Variants in OSCP1 observed in about 807,000 individuals in gnomAD.
OSCP1 encodes protein OSCP1.
A neutral mutation model predicts 45.1 loss-of-function variants in OSCP1; 35 were observed. That is an observed-to-expected ratio of 0.78 (90% CI 0.59 to 1.03). The LOEUF is 1.03. OSCP1 is among the 50% of genes least tolerant of loss of function. The probability of loss-of-function intolerance (pLI) is 0.00; values close to 1 mark genes in which losing one functional copy is unlikely to be tolerated. For synonymous variants in OSCP1, 179 were observed against 180.1 expected, an observed-to-expected ratio of 0.99 and a Z score of 0.05; for missense variants, 400 against 470.7, an observed-to-expected ratio of 0.85 and a Z score of 1.39.
At chr1:36,429,512 C>G (rs114556229) in intron 4 of OSCP1, among the ~76,000 whole-genome samples, 1,630 of 143,824 alleles carry the variant, frequency 0.011, 22 homozygotes, top group African/African-American at 0.033. Context: ...AAGAGAGACA[C>G]ATTCAAAATT....
chr1:36,423,244 G>A (rs959451928), intron 5 of OSCP1, 119 bp downstream of exon 5: 2 of 884,756 alleles, frequency 2.3e-6, no homozygotes, highest in Non-Finnish European at 3.8e-6. Context: ...CTGTTTTACT[G>A]AAGAAAGAGA....
At chr1:36,423,574 A>G (rs949730485) in intron 4 of OSCP1, 108 bp from the exon 5 acceptor site, 9 of 857,822 alleles carry the variant, frequency 1.0e-5, no homozygotes, top group South Asian at 1.6e-5. Context: ...CTATGAGTTT[A>G]TAACAATAAG....
chr1:36,448,595 C>G (rs1251936843), intron 1 of OSCP1, among the ~76,000 whole-genome samples: 4 of 152,144 alleles, frequency 2.6e-5, no homozygotes, highest in Admixed American at 6.5e-5. Flanking sequence ...GCTATGGGAG[C>G]ACAGGCTGCT....
At chr1:36,441,750 CAAAAAAAAAAAAA>C (rs575967932) in intron 1 of OSCP1, among the ~76,000 whole-genome samples, 5 of 58,282 alleles carry the variant, frequency 8.6e-5, no homozygotes, top group African/African-American at 3.1e-4. Context: ...GACTCCAGCT[CAAAAAAAAAAAAA>C]AAAAAAAAAG....
intron 8 of OSCP1, chr1:36,419,288 C>G (rs1647471281): frequency 1.9e-5 from 10 of 532,568 alleles, no homozygotes; most frequent in Non-Finnish European, 3.0e-5. Flanking sequence ...TTCCCTTCCT[C>G]TGCTTGGCAA....
chr1:36,440,071 T>G (rs1301096269), intron 1 of OSCP1, among the ~76,000 whole-genome samples: 3 of 152,210 alleles, frequency 2.0e-5, no homozygotes, highest in Non-Finnish European at 4.4e-5. Flanking sequence ...CTTAAAATAA[T>G]TATACAAAAT....
intron 3 of OSCP1, 106 bp downstream of exon 3, chr1:36,432,312 GGCTT>G (rs1378316395): frequency 4.6e-6 from 6 of 1,301,054 alleles, no homozygotes; most frequent in Non-Finnish European, 6.4e-6. Flanking sequence ...GAGAGTGGCA[GGCTT>G]TGCCATTCCT....
rs1649641272 is a variant in OSCP1 at position 36,447,894 on chromosome 1, A to C, written c.112+2364T>G. 1 of 453,926 alleles carries C rather than the reference A, an allele frequency of 2.2e-6. No homozygotes were observed. Among genetic ancestry groups the C allele is most frequent in the African/African-American group, 2.0e-5 (1 of 50,048 alleles). 28.1% of individuals were successfully genotyped at this position (453,926 alleles called of 1,614,324 possible). A position where few individuals can be genotyped will look rare whatever the true frequency, so the allele number is the denominator to read the frequency against. On this transcript the variant is annotated intron_variant, in intron 1 of 9. Coordinates refer to ENST00000235532, the MANE Select transcript of OSCP1 (RefSeq NM_145047.5). This position sits in a 1 kb window ranked among gnomAD's most constrained non-coding sequence, Gnocchi z 4.1. ...TTTGACACTCAGTCAAAATCTGTGG[A>C]ATGAATGAGTGTGCGAATGTAAATT... is the stretch of plus-strand genomic sequence containing the variant.
chr1:36,430,846 G>A (rs57353427), intron 4 of OSCP1, among the ~76,000 whole-genome samples: 15,506 of 152,076 alleles, frequency 0.1, 923 homozygotes, highest in East Asian at 0.29. Flanking sequence ...GTAGAGATGG[G>A]GTTTTACCAT....
Position 36,445,978 on chromosome 1 carries a change from G to A in OSCP1, c.112+4280C>T, listed in dbSNP as rs569090601. Among the ~76,000 whole-genome samples the A allele has an allele frequency of 9.2e-5, 14 of 151,570 alleles. No homozygotes were observed. The South Asian group carries it at 2.7e-3, about 29-fold the overall frequency. On this transcript the variant is annotated intron_variant, in intron 1 of 9. Coordinates refer to ENST00000235532, the MANE Select transcript of OSCP1 (RefSeq NM_145047.5). The stretch of plus-strand genomic sequence containing the variant: ...TCTGCCCACCTTGGCCTCCCAAAGT[G>A]CTGGGATTACAGGTGTGAGCCATCA...
intron 8 of OSCP1, among the ~76,000 whole-genome samples, chr1:36,419,464 C>T (rs1004838291): frequency 2.6e-5 from 4 of 152,242 alleles, no homozygotes; most frequent in African/African-American, 7.2e-5. Context: ...CTAGGTCTTA[C>T]ATCTTTGCAT....
At chr1:36,443,156 G>T (rs576965644) in intron 1 of OSCP1, among the ~76,000 whole-genome samples, 67 of 152,104 alleles carry the variant, frequency 4.4e-4, no homozygotes, top group African/African-American at 1.5e-3. Flanking sequence ...TAGAGACAGG[G>T]TTTCACCATG....
rs1162993844 is a variant in OSCP1 at position 36,420,593 on chromosome 1, A to T, written c.842T>A (p.Leu281His). 3.1e-6 allele frequency: 5 copies of T among 1,614,144 alleles called. 1 individual carries two copies. In the Admixed American group the frequency reaches 8.3e-5, roughly 27 times the overall value. Reference sequence around the variant, plus strand: ...CAAGAAATTCAGCTCTTCTTTAGCAAGAGGGTTTGGAGCAATGCTTTCCTG... The same window carrying T: ...CAAGAAATTCAGCTCTTCTTTAGCATGAGGGTTTGGAGCAATGCTTTCCTG... ...WTQESIAPNP[L>H]AKEELNFLAR... Residue 281 changes from leucine (L) to histidine (H), a missense_variant, in exon 8 of 10, where the codon CTT becomes CAT. Coordinates refer to ENST00000235532, the MANE Select transcript of OSCP1 (RefSeq NM_145047.5).
At chr1:36,422,332 A>C in intron 6 of OSCP1, 113 bp from the exon 7 acceptor site, 1 of 996,284 alleles carries the variant, frequency 1.0e-6, no homozygotes, top group South Asian at 1.4e-5. Context: ...AGCATCCAGA[A>C]AGGTGCTGTG....
chr1:36,435,692 G>A (rs1002114712), intron 2 of OSCP1, among the ~76,000 whole-genome samples: 13 of 151,866 alleles, frequency 8.6e-5, no homozygotes, highest in African/African-American at 3.1e-4. Context: ...GAGTGCAATG[G>A]CGCGATCTTG....
At position 36,417,967 on chromosome 1, in the gene OSCP1, T is replaced by G. The variant is rs892995108; in HGVS notation, c.*172A>C. 5.1e-5 allele frequency: 28 copies of G among 549,954 alleles called. No individual in the cohort carries two copies. Among genetic ancestry groups the G allele is most frequent in the Admixed American group, 2.4e-4 (7 of 29,274 alleles). 34.1% of individuals were successfully genotyped at this position (549,954 alleles called of 1,614,324 possible). On this transcript the variant is annotated 3_prime_UTR_variant, in exon 10 of 10. Coordinates refer to ENST00000235532, the MANE Select transcript of OSCP1 (RefSeq NM_145047.5). ...ATGTGTATGTGTGTGCCTTCAAGAG[T>G]GAGTGCTCCTCAAGGGAGACTCACA...
At chr1:36,420,795 G>T (rs1444977780) in intron 7 of OSCP1, among the ~76,000 whole-genome samples, 180 bp from the exon 8 acceptor site, 1 of 152,222 alleles carries the variant, frequency 6.6e-6, no homozygotes, top group African/African-American at 2.4e-5. Flanking sequence ...CACGTCAGTA[G>T]CAGAGGGAAT....
At chr1:36,449,375 T>G (rs1456472307) in intron 1 of OSCP1, among the ~76,000 whole-genome samples, 1 of 152,134 alleles carries the variant, frequency 6.6e-6, no homozygotes, top group East Asian at 1.9e-4. Context: ...ATATAATTAT[T>G]TTCACAATTG....
intron 8 of OSCP1, among the ~76,000 whole-genome samples, chr1:36,420,167 G>A (rs555458894): frequency 7.0e-6 from 1 of 142,970 alleles, no homozygotes; most frequent in African/African-American, 2.9e-5. Context: ...TTGTAGAGAC[G>A]GGGTTTCACC....
Sources: allele counts gnomAD v4.1 joint callset (sites outside exome capture counted in the v4.1 genomes callset), GRCh38; gene constraint gnomAD v4.1.1; non-coding constraint Gnocchi (gnomAD v3.1); transcripts MANE v1.5; gene names NCBI Gene and HGNC (gene_info 2026-07-23, HGNC 2026-07-21).